Variants in ZC4H2 observed in about 807,000 individuals in gnomAD.
The protein encoded by ZC4H2 is zinc finger C4H2-type containing.
For missense variants in ZC4H2, 137 were observed against 173.9 expected (o/e 0.79, Z 1.19); for synonymous variants, 84 against 66.3 (o/e 1.27, Z -1.30).
intron 2 of ZC4H2, 125 bp downstream of exon 2, chrX:64,921,692 A>T: frequency 2.7e-6 from 2 of 749,913 alleles, no homozygotes; most frequent in Non-Finnish European, 3.8e-6. Flanking sequence ...CTTCTGCTCT[A>T]CCACAGCCTG....
intron 1 of ZC4H2, among the ~76,000 whole-genome samples, chrX:65,001,272 G>A (rs1404419971): frequency 8.9e-6 from 1 of 111,846 alleles, no homozygotes; most frequent in African/African-American, 3.3e-5. Context: ...AGATTGTAGG[G>A]TTATTGGGGG....
chrX:64,985,477 A>G (rs765444427), intron 1 of ZC4H2, among the ~76,000 whole-genome samples: 4 of 111,595 alleles, frequency 3.6e-5, no homozygotes, highest in Non-Finnish European at 7.5e-5. Flanking sequence ...TTTGCTGTTT[A>G]TATGTCTTCT....
chrX:64,963,127 C>A (rs1931461009), intron 1 of ZC4H2, among the ~76,000 whole-genome samples: 1 of 111,371 alleles, frequency 9.0e-6, no homozygotes, highest in African/African-American at 3.3e-5. Context: ...AGAAATGAAT[C>A]CACCCACATA....
intron 1 of ZC4H2, among the ~76,000 whole-genome samples, chrX:64,990,553 T>C (rs749666168): frequency 1.1e-4 from 12 of 112,242 alleles, no homozygotes; most frequent in Non-Finnish European, 1.7e-4. Context: ...GTATCATTTT[T>C]CTGCAACTGC....
At chrX:65,020,400 G>T (rs962530686) in intron 1 of ZC4H2, among the ~76,000 whole-genome samples, 8 of 111,839 alleles carry the variant, frequency 7.2e-5, no homozygotes, top group Non-Finnish European at 1.1e-4. Flanking sequence ...TTAAAGAAAA[G>T]AATTTTCAAC....
At chrX:64,941,831 C>T (rs971560576) in intron 1 of ZC4H2, among the ~76,000 whole-genome samples, 5 of 111,904 alleles carry the variant, frequency 4.5e-5, no homozygotes, top group Admixed American at 2.8e-4. Flanking sequence ...CAATATTGGC[C>T]TGAAATTTTC....
intron 1 of ZC4H2, among the ~76,000 whole-genome samples, chrX:64,951,712 A>T (rs1191124239): frequency 1.8e-5 from 2 of 110,675 alleles, no homozygotes; most frequent in East Asian, 2.8e-4. Flanking sequence ...CCTTTGTCAG[A>T]TGAGTAGGTT....
Position 65,000,405 on chromosome X carries a change from C to T in ZC4H2, c.-272+34224G>A, listed in dbSNP as rs141163627. 1.7e-3 allele frequency among the ~76,000 whole-genome samples: 187 copies of T among 111,985 alleles called. 2 individuals carry two copies. The highest frequency in any genetic ancestry group is 5.6e-3 in the African/African-American group (172 of 30,815). On this transcript the variant is annotated intron_variant, in intron 1 of 4. Transcript: ENST00000337990. Reference sequence around the variant, plus strand: ...AGCATCAACATCAACAAAAAAAGGACGTCCTGGCAGAAATCCCATCAGAAG... The same window carrying T: ...AGCATCAACATCAACAAAAAAAGGATGTCCTGGCAGAAATCCCATCAGAAG...
At chrX:64,936,045 T>A (rs1427658698) in intron 1 of ZC4H2, among the ~76,000 whole-genome samples, 1 of 110,005 alleles carries the variant, frequency 9.1e-6, no homozygotes, top group Non-Finnish European at 1.9e-5. Context: ...GAGGAATTGC[T>A]AACTAGAATA....
At chrX:64,982,105 C>T (rs1396912049) in intron 1 of ZC4H2, among the ~76,000 whole-genome samples, 1 of 111,436 alleles carries the variant, frequency 9.0e-6, no homozygotes, top group Non-Finnish European at 1.9e-5. Flanking sequence ...GTAAAAAATC[C>T]TATTATAAAA....
chrX:64,920,282 G>A (rs1196419703), intron 2 of ZC4H2, 29 bp from the exon 3 acceptor site: 3 of 1,189,839 alleles, frequency 2.5e-6, no homozygotes, highest in African/African-American at 3.5e-5. Flanking sequence ...TAGGCACAGA[G>A]AAAAGATCCT....
At chrX:65,016,554 C>A (rs750707418) in intron 1 of ZC4H2, among the ~76,000 whole-genome samples, 1 of 111,671 alleles carries the variant, frequency 9.0e-6, no homozygotes, top group East Asian at 2.8e-4. Flanking sequence ...TAAGTACCTG[C>A]TAGAATAAAG....
At chrX:65,022,651 T>C (rs192245541) in intron 1 of ZC4H2, among the ~76,000 whole-genome samples, 14 of 111,432 alleles carry the variant, frequency 1.3e-4, no homozygotes, top group Non-Finnish European at 1.7e-4. Context: ...TATACACCAA[T>C]AACAGACAAA....
chrX:64,987,537 C>G (rs1165427187), intron 1 of ZC4H2, among the ~76,000 whole-genome samples: 1 of 101,488 alleles, frequency 9.9e-6, no homozygotes, highest in Non-Finnish European at 2.0e-5. Flanking sequence ...AAGTGAGTAT[C>G]TGTTAGGAAA....
At chrX:64,977,341 G>A (rs1296547582), upstream of ZC4H2, among the ~76,000 whole-genome samples, 1 of 110,973 alleles carries the variant, frequency 9.0e-6, no homozygotes, top group Admixed American at 9.5e-5. Flanking sequence ...CTGAAATATA[G>A]GTTTCTTATA....
intron 1 of ZC4H2, among the ~76,000 whole-genome samples, chrX:64,930,389 T>G (rs1602390361): frequency 8.9e-6 from 1 of 111,837 alleles, no homozygotes; most frequent in South Asian, 3.8e-4. Flanking sequence ...ACACTGGCTA[T>G]GACTTCCAGT....
intron 1 of ZC4H2, among the ~76,000 whole-genome samples, chrX:64,936,604 GT>G (rs1930023042): frequency 8.9e-6 from 1 of 111,778 alleles, no homozygotes. Flanking sequence ...CCAGAAGAGA[GT>G]GGGGGCCAGT....
At chrX:64,945,421 G>A (rs1198062963) in intron 1 of ZC4H2, among the ~76,000 whole-genome samples, 1 of 111,646 alleles carries the variant, frequency 9.0e-6, no homozygotes, top group Non-Finnish European at 1.9e-5. Context: ...CTGCAGAAGA[G>A]CAAAGATTGC....
chrX:64,931,706 T>C (rs1473453382), intron 1 of ZC4H2, among the ~76,000 whole-genome samples: 1 of 111,829 alleles, frequency 8.9e-6, no homozygotes, highest in African/African-American at 3.3e-5. Flanking sequence ...TCCCCTGTGG[T>C]CTGAGAAAAT....
Sources: gnomAD v4.1 joint callset for allele counts (sites outside exome capture counted in the v4.1 genomes callset) on GRCh38, gnomAD v4.1.1 for gene constraint, MANE v1.5 for transcripts, NCBI Gene and HGNC (gene_info 2026-07-23, HGNC 2026-07-21) for gene names.